ALK: variants seen among roughly 807,000 people sequenced by gnomAD.
ALK encodes ALK receptor tyrosine kinase, also known as ALK tyrosine kinase receptor.
ALK carries 74 observed loss-of-function variants against 163.1 expected under a neutral mutation model. The observed-to-expected ratio is 0.45, with a 90% confidence interval of 0.38 to 0.55. The LOEUF is 0.55. Ranked by LOEUF, ALK falls within the 20% of genes least tolerant of loss-of-function variation. The pLI is 0.00. For missense variants in ALK, 2,063 were observed against 2,105.3 expected (o/e 0.98, Z 0.39); for synonymous variants, 960 against 843.2 (o/e 1.14, Z -2.40).
chr2:29,853,822 T>C (rs1666068435), intron 1 of ALK, among the ~76,000 whole-genome samples: 1 of 152,146 alleles, frequency 6.6e-6, no homozygotes, highest in African/African-American at 2.4e-5. Flanking sequence ...TGGGGGTTCA[T>C]TCTTCATTCA....
At chr2:29,206,655 T>C (rs1444825333) in intron 26 of ALK, among the ~76,000 whole-genome samples, 1 of 152,154 alleles carries the variant, frequency 6.6e-6, no homozygotes, top group Non-Finnish European at 1.5e-5. Context: ...GGACTTGGTT[T>C]AGAGATCCAT....
intron 1 of ALK, among the ~76,000 whole-genome samples, chr2:29,871,386 T>C (rs1666573404): frequency 6.6e-6 from 1 of 152,198 alleles, no homozygotes; most frequent in Non-Finnish European, 1.5e-5. Context: ...CTTCATTGGA[T>C]TGACAACTAC....
At chr2:29,778,319 TAA>T (rs759573506) in intron 1 of ALK, among the ~76,000 whole-genome samples, 3 of 152,170 alleles carry the variant, frequency 2.0e-5, no homozygotes, top group Non-Finnish European at 2.9e-5. Context: ...TATGTGAGGA[TAA>T]AAGACTGAAA....
intron 4 of ALK, among the ~76,000 whole-genome samples, chr2:29,400,307 C>T (rs574285010): frequency 2.2e-4 from 33 of 152,140 alleles, no homozygotes; most frequent in African/African-American, 4.6e-4. Flanking sequence ...TTAATAGTAC[C>T]GCAGGTAATC....
Position 29,277,807 on chromosome 2 carries a change from A to T in ALK, c.1818-2311T>A, listed in dbSNP as rs35679754. On this transcript the variant is annotated intron_variant, in intron 9 of 28. Transcript: ENST00000389048. ...AGCACAAGGACCCTCAGCCCCTGCCACTCTGGCACTGGGGTGTATGCCTCT... is the reference window on the plus strand; with the variant it reads ...AGCACAAGGACCCTCAGCCCCTGCCTCTCTGGCACTGGGGTGTATGCCTCT... 4.7e-3 allele frequency among the ~76,000 whole-genome samples: 708 copies of T among 152,242 alleles called. 4 individuals carry two copies. The highest frequency in any genetic ancestry group is 7.3e-3 in the Non-Finnish European group (499 of 68,000).
intron 1 of ALK, among the ~76,000 whole-genome samples, chr2:29,748,817 C>T (rs1198815216): frequency 6.6e-6 from 1 of 152,112 alleles, no homozygotes; most frequent in African/African-American, 2.4e-5. Flanking sequence ...ACGATCAAGG[C>T]TCACTGCAAC....
At chr2:29,864,851 T>C (rs1207036280) in intron 1 of ALK, among the ~76,000 whole-genome samples, 1 of 152,170 alleles carries the variant, frequency 6.6e-6, no homozygotes, top group African/African-American at 2.4e-5. Flanking sequence ...GGAGTGTTTT[T>C]CCTAGACCAG....
intron 4 of ALK, among the ~76,000 whole-genome samples, chr2:29,449,824 T>C (rs1670777704): frequency 6.6e-6 from 1 of 152,210 alleles, no homozygotes; most frequent in African/African-American, 2.4e-5. Flanking sequence ...AGAAAGGGGC[T>C]GTGTTAAATT....
At chr2:29,525,356 G>A (rs187187900) in intron 4 of ALK, among the ~76,000 whole-genome samples, 26 of 152,188 alleles carry the variant, frequency 1.7e-4, no homozygotes, top group East Asian at 1.2e-3. Flanking sequence ...AAAGCTACCC[G>A]CTTATGTGAT....
At chr2:29,248,196 C>G (rs1333869042) in intron 12 of ALK, among the ~76,000 whole-genome samples, 1 of 152,092 alleles carries the variant, frequency 6.6e-6, no homozygotes, top group Non-Finnish European at 1.5e-5. Flanking sequence ...CAGTGACTGG[C>G]CGGGTGTGGT....
At chr2:29,795,689 T>C (rs1664290771) in intron 1 of ALK, among the ~76,000 whole-genome samples, 2 of 152,172 alleles carry the variant, frequency 1.3e-5, no homozygotes, top group Non-Finnish European at 2.9e-5. Flanking sequence ...TAATATTAAA[T>C]GAAAATATCA....
chr2:29,668,118 G>T (rs1677573402), intron 3 of ALK, among the ~76,000 whole-genome samples: 1 of 151,832 alleles, frequency 6.6e-6, no homozygotes, highest in Non-Finnish European at 1.5e-5. Context: ...TATTTCTGAG[G>T]TATCAGTTGT....
At chr2:29,884,305 C>A (rs767644211) in intron 1 of ALK, among the ~76,000 whole-genome samples, 5 of 152,132 alleles carry the variant, frequency 3.3e-5, no homozygotes, top group Non-Finnish European at 5.9e-5. Flanking sequence ...CCATGGGACC[C>A]ATACAAAGTG....
chr2:29,621,411 T>A (rs1009773605), intron 3 of ALK, among the ~76,000 whole-genome samples: 1 of 152,210 alleles, frequency 6.6e-6, no homozygotes, highest in African/African-American at 2.4e-5. Flanking sequence ...GAAGCCCTCA[T>A]CCTCCCAGCC....
intron 3 of ALK, among the ~76,000 whole-genome samples, chr2:29,585,826 A>T (rs895258947): frequency 1.3e-5 from 2 of 151,986 alleles, no homozygotes; most frequent in Non-Finnish European, 1.5e-5. Flanking sequence ...TGTATTAAAA[A>T]ATCTTTCTAG....
rs184385513 is a variant in ALK at position 29,430,682 on chromosome 2, G to T, written c.1155-46823C>A. ...TCTGGAGATAAAATGGAATCTATGGGCATACCCAGACTGTGATAGGTACTT... is the reference window on the plus strand; with the variant it reads ...TCTGGAGATAAAATGGAATCTATGGTCATACCCAGACTGTGATAGGTACTT... On this transcript the variant is annotated intron_variant, in intron 4 of 28. Coordinates refer to ENST00000389048, the MANE Select transcript of ALK (RefSeq NM_004304.5). Among the ~76,000 whole-genome samples, 303 of 152,286 alleles carry T rather than the reference G, an allele frequency of 2.0e-3. 4 individuals carry two copies. Among genetic ancestry groups the T allele is most frequent in the African/African-American group, 7.0e-3 (292 of 41,538 alleles).
At chr2:29,407,861 C>A (rs773320408) in intron 4 of ALK, among the ~76,000 whole-genome samples, 1 of 152,170 alleles carries the variant, frequency 6.6e-6, no homozygotes, top group Non-Finnish European at 1.5e-5. Flanking sequence ...ACTCCTCCAC[C>A]TTTTTCTACC....
chr2:29,275,542 C>A (rs746912323), intron 9 of ALK, 46 bp from the exon 10 acceptor site: 8 of 1,598,078 alleles, frequency 5.0e-6, no homozygotes, highest in Non-Finnish European at 6.9e-6. Flanking sequence ...ACTGGGGGGT[C>A]TTGTCTTAGG....
intron 1 of ALK, among the ~76,000 whole-genome samples, chr2:29,890,035 T>G (rs546659616): frequency 1.3e-5 from 2 of 152,262 alleles, no homozygotes; most frequent in East Asian, 1.9e-4. Flanking sequence ...TCCAGGCCAT[T>G]TGCACTCTCA....
Sources: gnomAD v4.1 joint callset for allele counts (sites outside exome capture counted in the v4.1 genomes callset) on GRCh38, gnomAD v4.1.1 for gene constraint, MANE v1.5 for transcripts, NCBI Gene and HGNC (gene_info 2026-07-23, HGNC 2026-07-21) for gene names.